The following OLA1 variants were observed in gnomAD, a reference collection of about 807,000 sequenced individuals.
OLA1 encodes the protein obg-like ATPase 1.
A neutral mutation model predicts 48.4 loss-of-function variants in OLA1; 14 were observed. That is an observed-to-expected ratio of 0.29 (90% CI 0.19 to 0.45). The LOEUF (loss-of-function observed/expected upper bound fraction) is 0.45, where lower values mean the gene tolerates loss of function less well. Among genes scored for constraint, OLA1 ranks in the 20% least tolerant of loss-of-function variants. The pLI is 1.00. For missense variants in OLA1, 325 were observed against 467.1 expected (o/e 0.70, Z 2.80); for synonymous variants, 127 against 150.4 (o/e 0.84, Z 1.14).
At chr2:174,149,018 T>C (rs1203403214) in intron 4 of OLA1, among the ~76,000 whole-genome samples, 1 of 152,226 alleles carries the variant, frequency 6.6e-6, no homozygotes, top group Non-Finnish European at 1.5e-5. Flanking sequence ...CGTTAATTTC[T>C]CCTCTAGTTA....
intron 5 of OLA1, among the ~76,000 whole-genome samples, chr2:174,140,445 G>A (rs1686418873): frequency 6.6e-6 from 1 of 151,292 alleles, no homozygotes; most frequent in Admixed American, 6.6e-5. Context: ...TGGGCTCACT[G>A]CAGCCTCCAC....
At chr2:174,223,244 A>G (rs1453746558) in intron 3 of OLA1, 84 bp from the exon 4 acceptor site, 20 of 1,316,820 alleles carry the variant, frequency 1.5e-5, no homozygotes, top group African/African-American at 2.9e-5. Context: ...CATTTCACAT[A>G]AATTCTTTCC....
chr2:174,159,538 A>C (rs1344919463), intron 4 of OLA1, among the ~76,000 whole-genome samples: 1 of 152,138 alleles, frequency 6.6e-6, no homozygotes, highest in East Asian at 1.9e-4. Flanking sequence ...TTGGTTTTTC[A>C]CCTACATTTA....
At chr2:174,166,882 G>T (rs1282736043) in intron 4 of OLA1, among the ~76,000 whole-genome samples, 2 of 151,980 alleles carry the variant, frequency 1.3e-5, no homozygotes, top group Non-Finnish European at 2.9e-5. Context: ...ATTTAATAAG[G>T]GGCCTTCTTT....
chr2:174,218,463 CCTAA>C (rs1243856847), intron 4 of OLA1, among the ~76,000 whole-genome samples: 1 of 152,112 alleles, frequency 6.6e-6, no homozygotes, highest in East Asian at 1.9e-4. Flanking sequence ...CAAAATAAGA[CCTAA>C]CTTTCACCTC....
chr2:174,180,433 T>A (rs988237871), intron 4 of OLA1, among the ~76,000 whole-genome samples: 1 of 151,996 alleles, frequency 6.6e-6, no homozygotes, highest in African/African-American at 2.4e-5. Flanking sequence ...TGTATGTGTG[T>A]TAGTGCTCTA....
At chr2:174,215,584 T>C (rs547749388) in intron 4 of OLA1, among the ~76,000 whole-genome samples, 17 of 152,274 alleles carry the variant, frequency 1.1e-4, no homozygotes, top group Admixed American at 5.9e-4. Context: ...AGGTATGCCA[T>C]GCATGCATAA....
rs151019965 is a variant in OLA1 at position 174,116,256 on chromosome 2, G to A, written c.728+6924C>T. ...AAAAAGCAGAATTTTAAAACTGGTC[G>A]TAAAAATGGTCACAGATACAAAAAT... On this transcript the variant is annotated intron_variant, in intron 7 of 10. Coordinates refer to ENST00000284719, the MANE Select transcript of OLA1 (RefSeq NM_013341.5). 1.2e-3 allele frequency among the ~76,000 whole-genome samples: 182 copies of A among 152,264 alleles called. 1 individual carries two copies. The highest frequency in any genetic ancestry group is 3.4e-3 in the Middle Eastern group (1 of 294).
chr2:174,115,379 T>C (rs749105080), intron 7 of OLA1, among the ~76,000 whole-genome samples: 9 of 152,218 alleles, frequency 5.9e-5, no homozygotes, highest in Non-Finnish European at 1.0e-4. Flanking sequence ...TGAAATAAAT[T>C]GCAATTATTA....
At chr2:174,104,435 GAATA>G (rs1180511833) in intron 7 of OLA1, among the ~76,000 whole-genome samples, 2 of 151,996 alleles carry the variant, frequency 1.3e-5, no homozygotes, top group Non-Finnish European at 1.5e-5. Flanking sequence ...GATCATAAAA[GAATA>G]AATATTAGAA....
At chr2:174,119,084 T>C (rs1274342075) in intron 7 of OLA1, among the ~76,000 whole-genome samples, 2 of 151,836 alleles carry the variant, frequency 1.3e-5, no homozygotes, top group East Asian at 3.9e-4. Flanking sequence ...AAAAGTACAT[T>C]TGACCAAAAA....
At chr2:174,223,199 A>G in intron 3 of OLA1, 39 bp from the exon 4 acceptor site, 1 of 1,586,816 alleles carries the variant, frequency 6.3e-7, no homozygotes, top group Non-Finnish European at 8.6e-7. Context: ...AAACAGTACT[A>G]AAAACTTATC....
At chr2:174,131,036 C>T (rs1046999462) in intron 5 of OLA1, among the ~76,000 whole-genome samples, 4 of 152,092 alleles carry the variant, frequency 2.6e-5, no homozygotes, top group Non-Finnish European at 4.4e-5. Flanking sequence ...TATAACATAT[C>T]TAAGTGCCCA....
intron 5 of OLA1, among the ~76,000 whole-genome samples, chr2:174,131,864 T>C (rs769282780): frequency 5.3e-5 from 8 of 152,074 alleles, no homozygotes; most frequent in Non-Finnish European, 7.4e-5. Context: ...TCACCTATAA[T>C]TTTTCTCTCT....
At chr2:174,213,586 A>G (rs16862471) in intron 4 of OLA1, among the ~76,000 whole-genome samples, 4,066 of 152,300 alleles carry the variant, frequency 0.027, 167 homozygotes, top group African/African-American at 0.091. Flanking sequence ...ATTGCTTCCA[A>G]AAACTGGCGA....
At chr2:174,239,844 T>C (rs566086597) in intron 2 of OLA1, among the ~76,000 whole-genome samples, 64 of 151,650 alleles carry the variant, frequency 4.2e-4, no homozygotes, top group African/African-American at 1.5e-3. Context: ...CAGTGAGCTA[T>C]GATCAGGCCA....
intron 4 of OLA1, among the ~76,000 whole-genome samples, chr2:174,192,773 C>A (rs1687800950): frequency 6.6e-6 from 1 of 152,108 alleles, no homozygotes; most frequent in Non-Finnish European, 1.5e-5. Flanking sequence ...GATTTCTGGG[C>A]TGAGTTTTTT....
At chr2:174,082,637 T>C (rs1684882355) in intron 7 of OLA1, among the ~76,000 whole-genome samples, 1 of 152,054 alleles carries the variant, frequency 6.6e-6, no homozygotes, top group African/African-American at 2.4e-5. Flanking sequence ...GATTTACAAA[T>C]ATGGTTGATC....
intron 4 of OLA1, among the ~76,000 whole-genome samples, chr2:174,159,442 C>A (rs1686961020): frequency 6.6e-6 from 1 of 151,994 alleles, no homozygotes; most frequent in African/African-American, 2.4e-5. Flanking sequence ...CTATTCATTC[C>A]CCAGTATTGT....
Sources: gnomAD v4.1 joint callset for allele counts (sites outside exome capture counted in the v4.1 genomes callset) on GRCh38, gnomAD v4.1.1 for gene constraint, MANE v1.5 for transcripts, NCBI Gene and HGNC (gene_info 2026-07-23, HGNC 2026-07-21) for gene names.